Variants in MPDZ observed in about 807,000 individuals in gnomAD.
MPDZ encodes the protein multiple PDZ domain crumbs cell polarity complex component, also known as multiple PDZ domain protein.
MPDZ carries 234 observed loss-of-function variants against 239.1 expected under a neutral mutation model. The ratio of observed to expected loss-of-function variants is 0.98; its 90% CI spans 0.88 to 1.09. MPDZ has a LOEUF of 1.09. Among genes scored for constraint, MPDZ ranks in the 50% least tolerant of loss-of-function variants. MPDZ has a pLI of 0.00. For synonymous variants in MPDZ, 1,048 were observed against 881.3 expected (o/e 1.19, Z -3.35); for missense variants, 3,175 against 2,510.0 (o/e 1.26, Z -5.66).
At chr9:13,143,910 A>G (rs1490581513) in intron 26 of MPDZ, among the ~76,000 whole-genome samples, 2 of 152,096 alleles carry the variant, frequency 1.3e-5, no homozygotes, top group Non-Finnish European at 2.9e-5. Flanking sequence ...GAATACCAGT[A>G]AACATGTTCA....
intron 39 of MPDZ, among the ~76,000 whole-genome samples, chr9:13,116,701 T>A (rs944904812): frequency 2.0e-5 from 3 of 152,158 alleles, no homozygotes; most frequent in Admixed American, 6.6e-5. Context: ...CTCTTTCAAA[T>A]ATCAAGGGTT....
chr9:13,209,366 T>G (rs1320420957), intron 10 of MPDZ, among the ~76,000 whole-genome samples: 5 of 152,182 alleles, frequency 3.3e-5, no homozygotes, highest in Non-Finnish European at 7.4e-5. Flanking sequence ...AATCCCCCAG[T>G]GTGATCCTCT....
At chr9:13,263,494 T>C (rs1160240647) in intron 1 of MPDZ, among the ~76,000 whole-genome samples, 1 of 152,140 alleles carries the variant, frequency 6.6e-6, no homozygotes, top group Non-Finnish European at 1.5e-5. Context: ...CAATAATTTA[T>C]TCAGCTAGAC....
At chr9:13,215,874 C>T (rs1958263033) in intron 10 of MPDZ, among the ~76,000 whole-genome samples, 1 of 143,346 alleles carries the variant, frequency 7.0e-6, no homozygotes, top group African/African-American at 2.6e-5. Context: ...CTCAAGGAAT[C>T]CTCCCACCTT....
intron 26 of MPDZ, among the ~76,000 whole-genome samples, chr9:13,145,233 T>C (rs1293508381): frequency 2.0e-5 from 3 of 151,966 alleles, no homozygotes; most frequent in Admixed American, 1.3e-4. Flanking sequence ...GAAACTTCTG[T>C]TTATAGTCCC....
At position 13,188,832 on chromosome 9, in the gene MPDZ, C is replaced by T. The variant is rs1452629102; in HGVS notation, c.2316G>A (p.Lys772=). The T allele has an allele frequency of 1.2e-6, 2 of 1,613,510 alleles. No individual in the cohort carries two copies. Among genetic ancestry groups the T allele is most frequent in the Non-Finnish European group, 1.7e-6 (2 of 1,179,558 alleles). Reference sequence around the variant, plus strand: ...TTCTCACAGTCCCTGACGGTGCTCCCTTCAGTGCTTCTACAGCTTCCTCAA... The same window carrying T: ...TTCTCACAGTCCCTGACGGTGCTCCTTTCAGTGCTTCTACAGCTTCCTCAA... ...SSLEEAVEAL[K]GAPSGTVRIG... Residue 772 remains lysine (K), a synonymous_variant, in exon 17 of 47, where the codon AAG becomes AAA. Transcript: ENST00000319217.
chr9:13,240,700 C>T (rs1312905695), intron 3 of MPDZ, among the ~76,000 whole-genome samples: 2 of 151,242 alleles, frequency 1.3e-5, no homozygotes, highest in Non-Finnish European at 2.9e-5. Flanking sequence ...AGCTAACCCC[C>T]AATTTCCTCA....
At chr9:13,133,776 G>T in intron 32 of MPDZ, 48 bp downstream of exon 32, 1 of 1,299,496 alleles carries the variant, frequency 7.7e-7, no homozygotes, top group Non-Finnish European at 1.1e-6. Flanking sequence ...TTAGAACACT[G>T]AGGTAAAGGA....
chr9:13,215,698 AC>A (rs1168095536), intron 10 of MPDZ, among the ~76,000 whole-genome samples: 3 of 150,850 alleles, frequency 2.0e-5, no homozygotes, highest in African/African-American at 7.3e-5. Flanking sequence ...CCTCACAATT[AC>A]AAAAGTTTAG....
intron 3 of MPDZ, among the ~76,000 whole-genome samples, chr9:13,231,735 T>G (rs1962545027): frequency 6.6e-6 from 1 of 151,996 alleles, no homozygotes; most frequent in Admixed American, 6.6e-5. Context: ...GCTGAATTGT[T>G]CTCTACTTTT....
chr9:13,170,326 G>C (rs946660844), intron 21 of MPDZ, among the ~76,000 whole-genome samples: 1 of 152,028 alleles, frequency 6.6e-6, no homozygotes, highest in East Asian at 1.9e-4. Context: ...TAGTGGATGT[G>C]GGCAATTCAG....
chr9:13,268,177 T>TAG (rs907504357), intron 1 of MPDZ, among the ~76,000 whole-genome samples: 7 of 142,598 alleles, frequency 4.9e-5, no homozygotes, highest in Admixed American at 2.2e-4. Context: ...TATACACACA[T>TAG]AGAGAGAGAG....
At chr9:13,121,359 T>A (rs1563840000) in intron 38 of MPDZ, among the ~76,000 whole-genome samples, 1 of 152,196 alleles carries the variant, frequency 6.6e-6, no homozygotes, top group Non-Finnish European at 1.5e-5. Flanking sequence ...CCACAAAGCA[T>A]CTTTGTCACT....
At chr9:13,140,199 A>C in intron 27 of MPDZ, 50 bp from the exon 28 acceptor site, 1 of 1,555,314 alleles carries the variant, frequency 6.4e-7, no homozygotes, top group Non-Finnish European at 8.7e-7. Flanking sequence ...AAGGAAGAAA[A>C]CTTCAAGAAG....
chr9:13,180,708 A>G (rs549118644), intron 19 of MPDZ, among the ~76,000 whole-genome samples: 1 of 152,322 alleles, frequency 6.6e-6, no homozygotes, highest in South Asian at 2.1e-4. Flanking sequence ...GAAAGGAAAA[A>G]CACGGCTAGA....
chr9:13,262,518 C>A (rs1364342343), intron 1 of MPDZ, among the ~76,000 whole-genome samples: 1 of 151,772 alleles, frequency 6.6e-6, no homozygotes, highest in Non-Finnish European at 1.5e-5. Flanking sequence ...TTTCTTCAAA[C>A]TCTACTAGAA....
chr9:13,134,655 A>G (rs1946479905), intron 31 of MPDZ: 1 of 152,092 alleles, frequency 6.6e-6, no homozygotes, highest in Non-Finnish European at 1.5e-5. Context: ...GCTTTCCTAA[A>G]TCAAAACAAA....
At chr9:13,129,377 C>CA (rs200030292) in intron 32 of MPDZ, among the ~76,000 whole-genome samples, 4,222 of 151,990 alleles carry the variant, frequency 0.028, 172 homozygotes, top group South Asian at 0.095. Flanking sequence ...GCAGGAGAAT[C>CA]GCTTGAACCC....
chr9:13,234,000 A>G (rs1321585018), intron 3 of MPDZ, among the ~76,000 whole-genome samples: 3 of 147,208 alleles, frequency 2.0e-5, no homozygotes, highest in African/African-American at 7.5e-5. Flanking sequence ...ACATATTTTA[A>G]TCTCTGTAAT....
Sources: gnomAD v4.1 joint callset for allele counts (sites outside exome capture counted in the v4.1 genomes callset) on GRCh38, gnomAD v4.1.1 for gene constraint, MANE v1.5 for transcripts, NCBI Gene and HGNC (gene_info 2026-07-23, HGNC 2026-07-21) for gene names.